The following ADAP1 variants were observed in gnomAD, a reference collection of about 807,000 sequenced individuals.
The protein encoded by ADAP1 is arf-GAP with dual PH domain-containing protein 1.
A neutral mutation model predicts 54.9 loss-of-function variants in ADAP1; 31 were observed. The ratio of observed to expected loss-of-function variants is 0.56; its 90% CI spans 0.42 to 0.76. ADAP1 has a LOEUF of 0.76. Ranked by LOEUF, ADAP1 falls within the 30% of genes least tolerant of loss-of-function variation. ADAP1 has a pLI of 0.00. For synonymous variants in ADAP1, 313 were observed against 202.6 expected (o/e 1.55, Z -4.63); for missense variants, 535 against 512.4 (o/e 1.04, Z -0.42).
At chr7:952,754 G>A (rs1847302265) in intron 1 of ADAP1, among the ~76,000 whole-genome samples, 1 of 152,178 alleles carries the variant, frequency 6.6e-6, no homozygotes, top group Admixed American at 6.5e-5. Context: ...GAGGAGACAA[G>A]TCACTGAGGT....
intron 4 of ADAP1, among the ~76,000 whole-genome samples, chr7:911,763 G>C (rs185222801): frequency 0.17 from 14,570 of 85,296 alleles, 1,916 homozygotes; most frequent in Admixed American, 0.21. Flanking sequence ...GGGTCCCACG[G>C]AGGGCCAGGA....
intron 9 of ADAP1, 27 bp downstream of exon 9, chr7:899,392 C>T (rs368633942): frequency 4.7e-5 from 76 of 1,611,700 alleles, no homozygotes; most frequent in Middle Eastern, 1.6e-4. Flanking sequence ...GCTGCCCTCC[C>T]GTGCTGGGGC....
chr7:942,707 G>A (rs111161350), intron 1 of ADAP1, among the ~76,000 whole-genome samples: 187 of 39,518 alleles, frequency 4.7e-3, no homozygotes, highest in Non-Finnish European at 8.1e-3. Context: ...AGGAGGAAGG[G>A]AGAGAGGAGG....
chr7:901,124 T>G, intron 6 of ADAP1: 1 of 441,250 alleles, frequency 2.3e-6, no homozygotes, highest in Non-Finnish European at 4.6e-6. Context: ...AAAACTGCTC[T>G]CCAGGGAGCC....
chr7:906,504 G>GGGGC (rs1845357038), intron 4 of ADAP1, among the ~76,000 whole-genome samples: 1 of 1,076 alleles, frequency 9.3e-4, no homozygotes. Context: ...AAGGAGAAAG[G>GGGGC]GAGAAAGGAG....
At chr7:906,423 G>GGAAAGGA (rs1562914303) in intron 4 of ADAP1, among the ~76,000 whole-genome samples, 13 of 53,106 alleles carry the variant, frequency 2.4e-4, no homozygotes, top group Admixed American at 3.9e-4. Flanking sequence ...AGGGAGAAAG[G>GGAAAGGA]GAAAGGAGAA....
intron 6 of ADAP1, 52 bp downstream of exon 6, chr7:904,074 T>G (rs10282526): frequency 1.2e-6 from 2 of 1,603,048 alleles, no homozygotes; most frequent in Admixed American, 1.7e-5. Context: ...CACCCGGGCC[T>G]GAGGGCCCAC....
intron 3 of ADAP1, among the ~76,000 whole-genome samples, chr7:925,347 C>T (rs1407523347): frequency 1.4e-5 from 2 of 139,964 alleles, no homozygotes; most frequent in Non-Finnish European, 3.1e-5. Context: ...GTAGGGAGAC[C>T]CCGTCTCTAT....
At chr7:919,832 G>GGAGATGGGGGGAGGGAGGGAAA in intron 4 of ADAP1, 136 bp downstream of exon 4, 1 of 217,326 alleles carries the variant, frequency 4.6e-6, no homozygotes, top group Non-Finnish European at 8.0e-6. Context: ...GGGGAGGGAG[G>GGAGATGGGGGGAGGGAGGGAAA]GAGATGGGGG....
At chr7:901,558 G>C (rs1305794248) in intron 6 of ADAP1, among the ~76,000 whole-genome samples, 1 of 152,198 alleles carries the variant, frequency 6.6e-6, no homozygotes, top group Admixed American at 6.5e-5. Flanking sequence ...GCACCAGCTG[G>C]AGGATGGTGT....
At chr7:906,734 GGACAGAGTAC>G (rs1845444081) in intron 4 of ADAP1, among the ~76,000 whole-genome samples, 1 of 37,850 alleles carries the variant, frequency 2.6e-5, no homozygotes, top group African/African-American at 1.1e-4. Flanking sequence ...GGGACATGGG[GGACAGAGTAC>G]ATAGGGGACA....
chr7:912,035 C>T (rs113295715), intron 4 of ADAP1, among the ~76,000 whole-genome samples: 14 of 152,334 alleles, frequency 9.2e-5, no homozygotes, highest in Middle Eastern at 3.4e-3. Flanking sequence ...CGCACACCAT[C>T]GTCCCCACTA....
In ADAP1 at chr7:904,134, C is replaced by G. The variant is rs1314453188; in HGVS notation, c.640G>C (p.Asp214His). The G allele has an allele frequency of 3.7e-6, 6 of 1,612,378 alleles. No homozygotes were observed. The African/African-American group carries it at 8.0e-5, about 22-fold the overall frequency. The change falls in exon 6 of 11, where the codon GAC (aspartate) becomes CAC (histidine). Residue 214 changes from aspartate (D) to histidine (H), a missense_variant. Coordinates refer to ENST00000265846, the MANE Select transcript of ADAP1 (RefSeq NM_006869.4). ...STRNIFIYHE[D>H]GKEIVDWFNA... Reference sequence around the variant, plus strand: ...TGCTCGCCAGCACCCACCTTCCCGTCCTCATGGTAGATGAAGATGTTACGG... The same window carrying G: ...TGCTCGCCAGCACCCACCTTCCCGTGCTCATGGTAGATGAAGATGTTACGG...
At chr7:914,077 C>T (rs1005385699) in intron 4 of ADAP1, among the ~76,000 whole-genome samples, 9 of 152,256 alleles carry the variant, frequency 5.9e-5, no homozygotes, top group African/African-American at 1.9e-4. Flanking sequence ...GGCCCCCGCC[C>T]TGTGAGAACA....
chr7:924,684 C>T (rs1846323306), intron 3 of ADAP1, among the ~76,000 whole-genome samples: 1 of 151,092 alleles, frequency 6.6e-6, no homozygotes, highest in Admixed American at 6.6e-5. Flanking sequence ...CCCTGGGAGT[C>T]TCCTCACCCA....
At position 898,635 on chromosome 7, in the gene ADAP1, GGCCC is replaced by G; in HGVS notation, c.*282_*285del. 2.0e-6 allele frequency: 1 copy of G among 504,818 alleles called. No individual in the cohort carries two copies. Among genetic ancestry groups the G allele is most frequent in the East Asian group, 3.6e-5 (1 of 27,930 alleles). The allele number at this position is 504,818 out of a possible 1,614,324, so 31.3% of individuals were successfully genotyped here. A position where few individuals can be genotyped will look rare whatever the true frequency, so the allele number is the denominator to read the frequency against. On this transcript the variant is annotated 3_prime_UTR_variant, in exon 11 of 11. Coordinates refer to ENST00000265846, the MANE Select transcript of ADAP1 (RefSeq NM_006869.4). ...GTGTCTGAGCTCGGGAGCCAGACTG[GGCCC>G]TGGAGGAAAGGGGGCCCCGGGTCAG...
At position 900,494 on chromosome 7, in the gene ADAP1, CCT is replaced by C. The variant is rs761362737; in HGVS notation, c.732+37_732+38del. On this transcript the variant is annotated intron_variant, in intron 7 of 10. Transcript: ENST00000265846. ...TCCGTCCACCCCCCACCCCACCACC[CCT>C]GTCTGCCCTGGAGCTGACCGCAGGG... 1.6e-4 allele frequency: 235 copies of C among 1,467,600 alleles called. 1 individual carries two copies. In the Middle Eastern group the frequency reaches 3.2e-3, roughly 20 times the overall value. The allele number at this position is 1,467,600 out of a possible 1,614,324, so 90.9% of individuals were successfully genotyped here.
At chr7:928,156 G>T (rs770060280) in intron 2 of ADAP1, among the ~76,000 whole-genome samples, 10 of 151,990 alleles carry the variant, frequency 6.6e-5, no homozygotes, top group Non-Finnish European at 1.5e-4. Flanking sequence ...GGAGTTTGAG[G>T]TCGCAGTGGG....
chr7:899,364 G>A, intron 9 of ADAP1, 55 bp downstream of exon 9: 8 of 1,608,362 alleles, frequency 5.0e-6, no homozygotes, highest in Middle Eastern at 1.7e-4. Context: ...TCACGCATCT[G>A]GCAACCCCAG....
Sources: gnomAD v4.1 joint callset for allele counts (sites outside exome capture counted in the v4.1 genomes callset) on GRCh38, gnomAD v4.1.1 for gene constraint, MANE v1.5 for transcripts, NCBI Gene and HGNC (gene_info 2026-07-23, HGNC 2026-07-21) for gene names.